The following ECE1 variants were observed in gnomAD, a reference collection of about 807,000 sequenced individuals.
The protein encoded by ECE1 is endothelin-converting enzyme 1.
In ECE1, 35 loss-of-function variants were observed where a neutral mutation model predicts 98.6. That is an observed-to-expected ratio of 0.35 (90% CI 0.27 to 0.47). The LOEUF (loss-of-function observed/expected upper bound fraction) is 0.47, where lower values mean the gene tolerates loss of function less well. Ranked by LOEUF, ECE1 falls within the 20% of genes least tolerant of loss-of-function variation. The probability of loss-of-function intolerance (pLI) is 1.00; values close to 1 mark genes in which losing one functional copy is unlikely to be tolerated. For missense variants in ECE1, 814 were observed against 1,025.3 expected (o/e 0.79, Z 2.81); for synonymous variants, 394 against 407.1 (o/e 0.97, Z 0.39).
chr1:21,300,145 C>T (rs1407855380), intron 1 of ECE1, among the ~76,000 whole-genome samples: 2 of 152,382 alleles, frequency 1.3e-5, no homozygotes, highest in Admixed American at 6.5e-5. Context: ...GCTGCTCACC[C>T]ACTGGAGGCA....
intron 2 of ECE1, among the ~76,000 whole-genome samples, chr1:21,282,404 A>G (rs1036855232): frequency 6.6e-6 from 1 of 150,460 alleles, no homozygotes; most frequent in Non-Finnish European, 1.5e-5. Context: ...CCTGGCCAAC[A>G]TGGTGAAACC....
At chr1:21,279,736 C>A in intron 2 of ECE1, 1 of 1,282,078 alleles carries the variant, frequency 7.8e-7, no homozygotes, top group East Asian at 3.3e-5. Context: ...GGGTCAGGGA[C>A]AAGGGTGACA....
At chr1:21,321,964 G>C (rs1027366275) in intron 1 of ECE1, among the ~76,000 whole-genome samples, 2 of 152,122 alleles carry the variant, frequency 1.3e-5, no homozygotes. Flanking sequence ...AGGGAAGAAT[G>C]CTTCCTCAGG....
Position 21,341,917 on chromosome 1 carries a change from C to T in ECE1, c.3+3459G>A, listed in dbSNP as rs1014238207. The stretch of plus-strand genomic sequence containing the variant: ...CCCCGCAAAATGCTGGGACTACAAG[C>T]GTGAGCCACTGCCCCCGGACTCCCT... On this transcript the variant is annotated intron_variant, in intron 1 of 18. Coordinates refer to the ECE1 transcript ENST00000415912. Among the ~76,000 whole-genome samples the T allele has an allele frequency of 2.6e-5, 4 of 152,074 alleles. No homozygotes were observed. In the East Asian group the frequency reaches 5.8e-4, roughly 22 times the overall value.
At chr1:21,249,772 T>A (rs917361817) in intron 8 of ECE1, among the ~76,000 whole-genome samples, 5 of 152,016 alleles carry the variant, frequency 3.3e-5, no homozygotes, top group East Asian at 1.9e-4. Flanking sequence ...ATTGCTTTTT[T>A]AAATTATTTA....
At position 21,224,036 on chromosome 1, in the gene ECE1, C is replaced by T. The variant is rs368293864; in HGVS notation, c.2040+1214G>A. On this transcript the variant is annotated intron_variant, in intron 17 of 18. Coordinates refer to ENST00000374893, the MANE Select transcript of ECE1 (RefSeq NM_001397.3). ...CGACAGAAGCCTGGAGTGGTCTGGT[C>T]CCCGCATTCCCTACACTCTGCCCTG... Among the ~76,000 whole-genome samples, 4 of 152,234 alleles carry T rather than the reference C, an allele frequency of 2.6e-5. No homozygotes were observed. The East Asian group carries it at 7.8e-4, about 30-fold the overall frequency.
rs1315192051 is a variant in ECE1, at chr1:21,228,001, G to A, written c.1711C>T (p.Pro571Ser). ...TPPMVNAYYS[P>S]TKNEIVFPAG... Reference sequence around the variant, plus strand: ...GGAAACACAATCTCATTCTTGGTGGGCGAGTAGTAGGCGTTCACCATGGGC... The same window carrying A: ...GGAAACACAATCTCATTCTTGGTGGACGAGTAGTAGGCGTTCACCATGGGC... Residue 571 changes from proline to serine, a missense_variant, in exon 15 of 19, where the codon CCC (proline) becomes TCC (serine). Around this residue, in one of 3 missense-constraint regions of ECE1, gnomAD observed 452 missense variants for 567.3 expected, o/e 0.80. Transcript: ENST00000374893. The A allele has an allele frequency of 6.4e-7, 1 of 1,565,246 alleles. No individual in the cohort carries two copies. The highest frequency in any genetic ancestry group is 8.7e-7 in the Non-Finnish European group (1 of 1,153,868).
chr1:21,249,581 C>T (rs1213485874), intron 8 of ECE1, among the ~76,000 whole-genome samples: 3 of 152,060 alleles, frequency 2.0e-5, no homozygotes, highest in African/African-American at 7.2e-5. Context: ...AGCCTGTAGT[C>T]CCAGGTGGGA....
At chr1:21,222,601 A>G (rs1310973582) in intron 17 of ECE1, among the ~76,000 whole-genome samples, 1 of 152,012 alleles carries the variant, frequency 6.6e-6, no homozygotes, top group Non-Finnish European at 1.5e-5. Context: ...AGCACTTTGG[A>G]AGGCCCAGGC....
At chr1:21,320,939 G>A (rs1243416119) in intron 1 of ECE1, among the ~76,000 whole-genome samples, 1 of 152,236 alleles carries the variant, frequency 6.6e-6, no homozygotes, top group Non-Finnish European at 1.5e-5. Flanking sequence ...GAGCCTCTAG[G>A]ATCCTGCTGC....
chr1:21,233,474 G>C lies in ECE1; in HGVS notation c.1670+84C>G, dbSNP rs1037856399. On this transcript the variant is annotated intron_variant, in intron 14 of 18. Coordinates refer to ENST00000374893, the MANE Select transcript of ECE1 (RefSeq NM_001397.3). The surrounding 1 kb of genome is among the most constrained non-coding windows in gnomAD (Gnocchi z 4.0). ...TGATAGCTGATCGGGTGCACAGTGA[G>C]GGTGCAATGAAGGCCAGTTCGTCCC... 8 of 1,198,814 alleles carry C rather than the reference G, an allele frequency of 6.7e-6. No homozygotes were observed. The highest frequency in any genetic ancestry group is 9.8e-6 in the Non-Finnish European group (8 of 813,664). The allele number at this position is 1,198,814 out of a possible 1,614,324, so 74.3% of individuals were successfully genotyped here.
intron 5 of ECE1, among the ~76,000 whole-genome samples, chr1:21,259,522 T>A (rs1196074166): frequency 6.6e-6 from 1 of 152,228 alleles, no homozygotes; most frequent in South Asian, 2.1e-4. Flanking sequence ...TGCCTCAGCC[T>A]CCCGAGAAAG....
Position 21,233,231 on chromosome 1 carries a change from A to C in ECE1, c.1670+327T>G. 1 of 288,902 alleles carries C rather than the reference A, an allele frequency of 3.5e-6. No homozygotes were observed. Among genetic ancestry groups the C allele is most frequent in the Non-Finnish European group, 6.8e-6 (1 of 147,390 alleles). 17.9% of individuals were successfully genotyped at this position (288,902 alleles called of 1,614,324 possible). A position where few individuals can be genotyped will look rare whatever the true frequency, so the allele number is the denominator to read the frequency against. The stretch of plus-strand genomic sequence containing the variant: ...CCCCAGAACCAGCTCCTCCCATCCT[A>C]TTCTGCGGAAAATGAAATGAAGGCT... On this transcript the variant is annotated intron_variant, in intron 14 of 18. Transcript: ENST00000374893. This position sits in a 1 kb window ranked among gnomAD's most constrained non-coding sequence, Gnocchi z 4.0.
At chr1:21,311,856 G>T (rs1200815396) in intron 1 of ECE1, among the ~76,000 whole-genome samples, 1 of 151,614 alleles carries the variant, frequency 6.6e-6, no homozygotes, top group East Asian at 1.9e-4. Context: ...GGATACAGTG[G>T]CTCACACCTG....
intron 4 of ECE1, among the ~76,000 whole-genome samples, chr1:21,268,592 C>T (rs749476357): frequency 2.6e-5 from 4 of 152,258 alleles, no homozygotes; most frequent in African/African-American, 4.8e-5. Context: ...CTTGCCGGAT[C>T]GGCTGACACA....
intron 8 of ECE1, among the ~76,000 whole-genome samples, chr1:21,253,453 ACT>A (rs1461706851): frequency 6.6e-6 from 1 of 151,860 alleles, no homozygotes; most frequent in African/African-American, 2.4e-5. Flanking sequence ...TTCTCAAAGG[ACT>A]CTGTGACTTA....
chr1:21,240,477 ACT>A (rs1352614973), intron 10 of ECE1, among the ~76,000 whole-genome samples: 10 of 152,050 alleles, frequency 6.6e-5, no homozygotes, highest in African/African-American at 2.2e-4. Flanking sequence ...ACAGAATAAG[ACT>A]CTGTCTCAAA....
At chr1:21,250,095 G>C (rs1247708826) in intron 8 of ECE1, among the ~76,000 whole-genome samples, 1 of 152,038 alleles carries the variant, frequency 6.6e-6, no homozygotes, top group East Asian at 1.9e-4. Context: ...ATTTCATCTT[G>C]CAAATGTGAG....
At position 21,290,224 on chromosome 1, in the gene ECE1, G is replaced by A. The variant is rs555743674; in HGVS notation, c.52-68C>T. On this transcript the variant is annotated intron_variant, in intron 1 of 18. Coordinates refer to ENST00000374893, the MANE Select transcript of ECE1 (RefSeq NM_001397.3). The surrounding 1 kb of genome is among the most constrained non-coding windows in gnomAD (Gnocchi z 7.3). ...GGCTCTCGCGCCCGAATGGGGAAGC[G>A]GCCCCGACCCTGGCGCCGCCGCCGC... The A allele has an allele frequency of 7.0e-7, 1 of 1,431,830 alleles. No homozygotes were observed. The highest frequency in any genetic ancestry group is 2.6e-5 in the Admixed American group (1 of 38,048). 88.7% of individuals were successfully genotyped at this position (1,431,830 alleles called of 1,614,324 possible).
Sources: allele counts gnomAD v4.1 joint callset (sites outside exome capture counted in the v4.1 genomes callset), GRCh38; gene constraint gnomAD v4.1.1; regional missense constraint gnomAD v4.1.1; non-coding constraint Gnocchi (gnomAD v3.1); transcripts MANE v1.5; gene names NCBI Gene and HGNC (gene_info 2026-07-23, HGNC 2026-07-21).